The following TRPM7 variants were observed in gnomAD, a reference collection of about 807,000 sequenced individuals.
TRPM7 encodes transient receptor potential cation channel subfamily M member 7.
TRPM7 carries 134 observed loss-of-function variants against 229.7 expected under a neutral mutation model. The observed-to-expected ratio is 0.58, with a 90% confidence interval of 0.51 to 0.67. The LOEUF (loss-of-function observed/expected upper bound fraction) is 0.67, where lower values mean the gene tolerates loss of function less well. Among genes scored for constraint, TRPM7 ranks in the 30% least tolerant of loss-of-function variants. The pLI is 0.00. For synonymous variants in TRPM7, 699 were observed against 715.2 expected (o/e 0.98, Z 0.36); for missense variants, 1,901 against 2,210.0 (o/e 0.86, Z 2.80).
chr15:50,641,067 C>T (rs571561995), intron 5 of TRPM7, among the ~76,000 whole-genome samples: 1 of 152,288 alleles, frequency 6.6e-6, no homozygotes, highest in South Asian at 2.1e-4. Flanking sequence ...TCATCCCTCA[C>T]CCAAATTATG....
intron 3 of TRPM7, among the ~76,000 whole-genome samples, chr15:50,654,563 T>C (rs2061505477): frequency 6.6e-6 from 1 of 151,430 alleles, no homozygotes; most frequent in Non-Finnish European, 1.5e-5. Flanking sequence ...CTAATGCAGG[T>C]ATTATAAATA....
chr15:50,565,964 C>G (rs1219744515), intron 38 of TRPM7, among the ~76,000 whole-genome samples: 2 of 151,972 alleles, frequency 1.3e-5, no homozygotes, highest in African/African-American at 4.8e-5. Context: ...GCTGGGATTA[C>G]AGGCACCCAC....
intron 31 of TRPM7, among the ~76,000 whole-genome samples, chr15:50,577,799 G>A (rs2054207875): frequency 1.3e-5 from 2 of 152,292 alleles, no homozygotes; most frequent in South Asian, 4.1e-4. Flanking sequence ...CCATACAGTG[G>A]AAGCTACTGA....
chr15:50,678,925 G>C (rs1036194488), intron 1 of TRPM7, among the ~76,000 whole-genome samples: 1 of 152,272 alleles, frequency 6.6e-6, no homozygotes, highest in East Asian at 1.9e-4. Context: ...CCAGGCTGGA[G>C]TGCAATGGCG....
At chr15:50,580,957 T>A (rs769637315) in intron 29 of TRPM7, 49 bp from the exon 30 acceptor site, 1 of 1,546,230 alleles carries the variant, frequency 6.5e-7, no homozygotes, top group Admixed American at 2.2e-5. Flanking sequence ...AAGACAAAAA[T>A]CTCTAGATGA....
chr15:50,586,561 T>TA, intron 27 of TRPM7, 73 bp from the exon 28 acceptor site: 2 of 928,222 alleles, frequency 2.2e-6, no homozygotes, highest in Non-Finnish European at 3.4e-6. Flanking sequence ...TAAGTAGTAT[T>TA]AGAGTCCCTT....
intron 19 of TRPM7, among the ~76,000 whole-genome samples, chr15:50,607,732 A>C (rs2059954013): frequency 6.6e-6 from 1 of 151,924 alleles, no homozygotes; most frequent in Non-Finnish European, 1.5e-5. Flanking sequence ...CTTCCTCCCC[A>C]AACCAAACAG....
chr15:50,631,096 G>A (rs1223505940), intron 10 of TRPM7, among the ~76,000 whole-genome samples: 9 of 152,144 alleles, frequency 5.9e-5, no homozygotes, highest in African/African-American at 2.2e-4. Flanking sequence ...CAAAGTGTTG[G>A]GATTACAGGT....
intron 1 of TRPM7, among the ~76,000 whole-genome samples, chr15:50,680,092 G>A (rs113155804): frequency 0.02 from 2,985 of 151,932 alleles, 115 homozygotes; most frequent in African/African-American, 0.069. Flanking sequence ...ATATTAGCTG[G>A]GCATGGTGGC....
chr15:50,620,288 GT>G (rs940074398), intron 12 of TRPM7, among the ~76,000 whole-genome samples: 3 of 145,728 alleles, frequency 2.1e-5, no homozygotes, highest in East Asian at 2.0e-4. Context: ...AAAACATAGA[GT>G]TTTTTTTTCA....
intron 36 of TRPM7, among the ~76,000 whole-genome samples, chr15:50,571,979 G>A (rs2053913271): frequency 6.6e-6 from 1 of 152,214 alleles, no homozygotes; most frequent in Non-Finnish European, 1.5e-5. Flanking sequence ...AGTCCTTCAT[G>A]AAAGGAAGAA....
At chr15:50,645,363 T>G (rs1195077561) in intron 4 of TRPM7, among the ~76,000 whole-genome samples, 1 of 151,272 alleles carries the variant, frequency 6.6e-6, no homozygotes, top group African/African-American at 2.5e-5. Context: ...GTAAATAGGA[T>G]TTGTTCTTTT....
At position 50,561,623 on chromosome 15, in the gene TRPM7, C is replaced by T. The variant is rs2053313585; in HGVS notation, c.*55G>A. The T allele has an allele frequency of 1.3e-6, 2 of 1,588,230 alleles. No individual in the cohort carries two copies. Among genetic ancestry groups the T allele is most frequent in the Non-Finnish European group, 1.7e-6 (2 of 1,170,948 alleles). ...CAATTTCCTCCCGAGGGAAAAGTGA[C>T]ACAGTAACATTTCTGTGAGGTGCAG... On this transcript the variant is annotated 3_prime_UTR_variant, in exon 39 of 39. Coordinates refer to ENST00000646667, the MANE Select transcript of TRPM7 (RefSeq NM_017672.6).
chr15:50,576,687 G>T (rs888933443), intron 31 of TRPM7, among the ~76,000 whole-genome samples: 1 of 152,160 alleles, frequency 6.6e-6, no homozygotes, highest in Non-Finnish European at 1.5e-5. Context: ...AATTCTGTAG[G>T]TATGTGTCAT....
Position 50,581,779 on chromosome 15 carries a change from A to C in TRPM7, c.4558-871T>G, listed in dbSNP as rs149283329. Among the ~76,000 whole-genome samples, 126 of 152,038 alleles carry C rather than the reference A, an allele frequency of 8.3e-4. 1 individual carries two copies. The highest frequency in any genetic ancestry group is 2.9e-3 in the African/African-American group (122 of 41,474). On this transcript the variant is annotated intron_variant, in intron 29 of 38. Transcript: ENST00000646667. ...TTTTGTAAAATTCTAAACCATTTCT[A>C]ATCTCTTCAAATTTTGTCTACTCTC... is the stretch of plus-strand genomic sequence containing the variant.
chr15:50,567,053 T>TG (rs1038922256), intron 38 of TRPM7, among the ~76,000 whole-genome samples: 3 of 150,350 alleles, frequency 2.0e-5, no homozygotes, highest in Non-Finnish European at 3.0e-5. Flanking sequence ...AAAAAAAAAA[T>TG]GGACCAATTC....
intron 5 of TRPM7, among the ~76,000 whole-genome samples, chr15:50,641,321 C>A (rs148289765): frequency 2.0e-4 from 31 of 152,292 alleles, no homozygotes; most frequent in African/African-American, 7.0e-4. Context: ...CATCACCTAG[C>A]ACTCTCTGCT....
chr15:50,594,827 A>T (rs2140376617), intron 23 of TRPM7, among the ~76,000 whole-genome samples: 1 of 152,330 alleles, frequency 6.6e-6, no homozygotes, highest in South Asian at 2.1e-4. Flanking sequence ...ATTTAAAAAA[A>T]TTTAAAATAT....
intron 1 of TRPM7, among the ~76,000 whole-genome samples, chr15:50,672,291 C>T (rs7170445): frequency 2.0e-5 from 3 of 151,744 alleles, no homozygotes; most frequent in Non-Finnish European, 2.9e-5. Context: ...GACCTCGTGA[C>T]GTGATCCGCC....
Sources: allele counts gnomAD v4.1 joint callset (sites outside exome capture counted in the v4.1 genomes callset), GRCh38; gene constraint gnomAD v4.1.1; transcripts MANE v1.5; gene names NCBI Gene and HGNC (gene_info 2026-07-23, HGNC 2026-07-21).